Variants in MAP2 observed in about 807,000 individuals in gnomAD.
MAP2 encodes the protein microtubule-associated protein 2.
MAP2 carries 14 observed loss-of-function variants against 137.6 expected under a neutral mutation model. The ratio of observed to expected loss-of-function variants is 0.10; its 90% CI spans 0.07 to 0.16. MAP2 has a LOEUF of 0.16. MAP2 is among the 10% of genes least tolerant of loss of function. The probability of loss-of-function intolerance (pLI) is 1.00; values close to 1 mark genes in which losing one functional copy is unlikely to be tolerated. For missense variants in MAP2, 2,088 were observed against 2,191.5 expected (o/e 0.95, Z 0.94); for synonymous variants, 786 against 782.3 (o/e 1.00, Z -0.08).
At chr2:209,587,592 C>G (rs1386376404) in intron 3 of MAP2, among the ~76,000 whole-genome samples, 3 of 152,110 alleles carry the variant, frequency 2.0e-5, no homozygotes, top group Non-Finnish European at 4.4e-5. Context: ...TAACTCTAGT[C>G]ATCTCTTTTA....
intron 4 of MAP2, among the ~76,000 whole-genome samples, chr2:209,643,379 A>C (rs1474212395): frequency 1.3e-5 from 2 of 152,132 alleles, no homozygotes; most frequent in Admixed American, 1.3e-4. Flanking sequence ...CCCAGGAGGG[A>C]AAGTTCTATT....
intron 5 of MAP2, among the ~76,000 whole-genome samples, chr2:209,678,193 T>C (rs1481206555): frequency 1.3e-5 from 2 of 152,004 alleles, no homozygotes; most frequent in East Asian, 3.9e-4. Flanking sequence ...TACCTTCACA[T>C]TGGAGGTTAG....
chr2:209,578,702 A>G (rs1469787601), intron 2 of MAP2, among the ~76,000 whole-genome samples: 1 of 152,020 alleles, frequency 6.6e-6, no homozygotes, highest in African/African-American at 2.4e-5. Flanking sequence ...AAATTATTCC[A>G]CACTTAACCT....
At chr2:209,728,627 G>T (rs762977796) in intron 14 of MAP2, among the ~76,000 whole-genome samples, 1 of 152,168 alleles carries the variant, frequency 6.6e-6, no homozygotes, top group Non-Finnish European at 1.5e-5. Context: ...TTAAGAGACC[G>T]TGAAGCCTTA....
At position 209,732,005 on chromosome 2, in the gene MAP2, G is replaced by A. The variant is rs1291384849; in HGVS notation, c.*1608G>A. Reference sequence around the variant, plus strand: ...TCATTCATCTTAGACTTACAAATAAGGAATGAAATAGTCAATGGCCTGATT... The same window carrying A: ...TCATTCATCTTAGACTTACAAATAAAGAATGAAATAGTCAATGGCCTGATT... On this transcript the variant is annotated 3_prime_UTR_variant, in exon 16 of 16. Coordinates refer to ENST00000682079, the MANE Select transcript of MAP2 (RefSeq NM_001375505.1). 1 of 152,106 alleles carries A rather than the reference G, an allele frequency of 6.6e-6. No homozygotes were observed. The highest frequency in any genetic ancestry group is 1.9e-4 in the East Asian group (1 of 5,184). 9.4% of individuals were successfully genotyped at this position (152,106 alleles called of 1,614,324 possible). A position where few individuals can be genotyped will look rare whatever the true frequency, so the allele number is the denominator to read the frequency against.
chr2:209,466,223 C>G (rs999354180), intron 1 of MAP2, among the ~76,000 whole-genome samples: 6 of 152,098 alleles, frequency 3.9e-5, no homozygotes, highest in African/African-American at 1.2e-4. Flanking sequence ...CATTTGTCAC[C>G]TAAGAAAATG....
rs2059309003 is a variant in MAP2, at chr2:209,692,876, G to C, written c.706G>C (p.Asp236His). Residue 236 changes from aspartate to histidine, a missense_variant, in exon 8 of 16, where the codon GAC (aspartate) becomes CAC (histidine). Around this residue, in one of 6 missense-constraint regions of MAP2, gnomAD observed 859 missense variants for 794.5 expected, o/e 1.08. Coordinates refer to ENST00000682079, the MANE Select transcript of MAP2 (RefSeq NM_001375505.1). ...GCACACTCTTGTTGCCAGCCTGGAA[G>C]ACATGAAACAGAAGACAGAACCAAG... ...FGHTLVASLE[D>H]MKQKTEPSLV... 6.2e-7 allele frequency: 1 copy of C among 1,613,962 alleles called. No homozygotes were observed. The highest frequency in any genetic ancestry group is 8.5e-7 in the Non-Finnish European group (1 of 1,179,954).
Position 209,690,494 on chromosome 2 carries a change from G to A in MAP2, c.455-2131G>A. The A allele has an allele frequency of 5.1e-6, 4 of 784,630 alleles. 1 individual carries two copies. In the South Asian group the frequency reaches 7.4e-5, roughly 14 times the overall value. 48.6% of individuals were successfully genotyped at this position (784,630 alleles called of 1,614,324 possible). Reference sequence around the variant, plus strand: ...ATGGTAAAATAAAAAAACAGCTGAGGTCTTCATGAGGTCATTCTAATGGAG... The same window carrying A: ...ATGGTAAAATAAAAAAACAGCTGAGATCTTCATGAGGTCATTCTAATGGAG... On this transcript the variant is annotated intron_variant, in intron 7 of 15. Transcript: ENST00000682079.
intron 2 of MAP2, among the ~76,000 whole-genome samples, chr2:209,571,170 C>G (rs146552477): frequency 1.1e-4 from 16 of 151,888 alleles, no homozygotes; most frequent in East Asian, 9.7e-4. Flanking sequence ...ATACAAGAAC[C>G]CTTTTGCATA....
chr2:209,696,984 C>G lies in MAP2; in HGVS notation c.4455C>G (p.Phe1485Leu), dbSNP rs148758170. The change falls in exon 10 of 16, where the codon TTC (phenylalanine) becomes TTG (leucine). Residue 1485 changes from phenylalanine to leucine, a missense_variant. Physicochemically the swap from Phe to Leu is conservative, Grantham distance 22. Transcript: ENST00000682079. ...EVQAHSPSRK[F>L]ILKPAIKYTR... Reference sequence around the variant, plus strand: ...AGGCCCACTCTCCCTCCAGGAAATTCATTTTAAAACCTGCTATCAAATATA... The same window carrying G: ...AGGCCCACTCTCCCTCCAGGAAATTGATTTTAAAACCTGCTATCAAATATA... The G allele has an allele frequency of 2.5e-6, 4 of 1,613,432 alleles. No homozygotes were observed. The highest frequency in any genetic ancestry group is 3.4e-6 in the Non-Finnish European group (4 of 1,179,874).
chr2:209,652,376 CTG>C (rs2094862896), intron 4 of MAP2, among the ~76,000 whole-genome samples: 1 of 152,180 alleles, frequency 6.6e-6, no homozygotes, highest in Non-Finnish European at 1.5e-5. Flanking sequence ...TCCTTTCTCT[CTG>C]TAAGATTTAC....
At chr2:209,426,142 A>T (rs1214814042) in intron 1 of MAP2, among the ~76,000 whole-genome samples, 2 of 152,318 alleles carry the variant, frequency 1.3e-5, no homozygotes, top group East Asian at 1.9e-4. Context: ...TGGCTTTAGG[A>T]TCAGTGGTAC....
chr2:209,531,419 A>T (rs1416684660), intron 2 of MAP2, among the ~76,000 whole-genome samples: 1 of 152,188 alleles, frequency 6.6e-6, no homozygotes, highest in African/African-American at 2.4e-5. Context: ...AGTGGTTATT[A>T]CATTTGATTG....
intron 3 of MAP2, among the ~76,000 whole-genome samples, chr2:209,582,388 A>C (rs768906899): frequency 2.0e-5 from 3 of 152,148 alleles, no homozygotes; most frequent in Non-Finnish European, 2.9e-5. Flanking sequence ...AAACGGAAAG[A>C]ATTCTTGAAA....
intron 3 of MAP2, among the ~76,000 whole-genome samples, chr2:209,603,047 A>G (rs12992342): frequency 0.68 from 103,341 of 152,012 alleles, 40,765 homozygotes; most frequent in Non-Finnish European, 0.87. Flanking sequence ...TCAAAAAGAG[A>G]TAAAGCATTC....
At chr2:209,718,783 T>A (rs2068849259) in intron 13 of MAP2, among the ~76,000 whole-genome samples, 1 of 152,222 alleles carries the variant, frequency 6.6e-6, no homozygotes. Context: ...ATATAAAAAA[T>A]TTTAAAGAAA....
At position 209,678,555 on chromosome 2, in the gene MAP2, G is replaced by C; in HGVS notation, c.263-17G>C. The C allele has an allele frequency of 1.5e-6, 2 of 1,305,230 alleles. No individual in the cohort carries two copies. Among genetic ancestry groups the C allele is most frequent in the South Asian group, 2.8e-5 (2 of 72,612 alleles). The allele number at this position is 1,305,230 out of a possible 1,614,324, so 80.9% of individuals were successfully genotyped here. ...ACTTCTCATCGTTATATTTTATTTT[G>C]TTACTGTTTATTACAGAGGAGGTGT... On this transcript the variant is annotated splice_polypyrimidine_tract_variant and intron_variant, in intron 5 of 15. Transcript: ENST00000682079.
At chr2:209,575,382 G>A (rs987303128) in intron 2 of MAP2, among the ~76,000 whole-genome samples, 10 of 151,678 alleles carry the variant, frequency 6.6e-5, no homozygotes, top group African/African-American at 1.7e-4. Context: ...CTAGCCGGGC[G>A]TGATGGCGGG....
At chr2:209,467,387 A>T (rs1704398160) in intron 1 of MAP2, among the ~76,000 whole-genome samples, 1 of 152,184 alleles carries the variant, frequency 6.6e-6, no homozygotes, top group Non-Finnish European at 1.5e-5. Flanking sequence ...AATTCTTAAA[A>T]AAATAAATTT....
Sources: gnomAD v4.1 joint callset for allele counts (sites outside exome capture counted in the v4.1 genomes callset) on GRCh38, gnomAD v4.1.1 for gene constraint, gnomAD v4.1.1 regional missense constraint, MANE v1.5 for transcripts, NCBI Gene and HGNC (gene_info 2026-07-23, HGNC 2026-07-21) for gene names.